The following PRKN variants were observed in gnomAD, a reference collection of about 807,000 sequenced individuals.
PRKN encodes the protein E3 ubiquitin-protein ligase parkin.
PRKN carries 56 observed loss-of-function variants against 59.5 expected under a neutral mutation model. The observed-to-expected ratio is 0.94, with a 90% CI of 0.76 to 1.18. The LOEUF is 1.18. Among genes scored for constraint, PRKN ranks in the 50% most tolerant of loss-of-function variants. The probability of loss-of-function intolerance (pLI) is 0.00; values close to 1 mark genes in which losing one functional copy is unlikely to be tolerated. For missense variants in PRKN, 657 were observed against 596.4 expected (o/e 1.10, Z -1.06); for synonymous variants, 250 against 222.1 (o/e 1.13, Z -1.12).
At chr6:161,675,156 A>G (rs1785042767) in intron 7 of PRKN, among the ~76,000 whole-genome samples, 1 of 152,226 alleles carries the variant, frequency 6.6e-6, no homozygotes, top group Admixed American at 6.5e-5. Flanking sequence ...AACTGAGCAC[A>G]ATGCATAAAT....
intron 9 of PRKN, among the ~76,000 whole-genome samples, chr6:161,509,410 A>C (rs1778295384): frequency 6.6e-6 from 1 of 152,110 alleles, no homozygotes; most frequent in Non-Finnish European, 1.5e-5. Flanking sequence ...TAAGAAACTC[A>C]AGGCTTTTAG....
chr6:161,721,609 A>G (rs900619661), intron 7 of PRKN, among the ~76,000 whole-genome samples: 1 of 152,230 alleles, frequency 6.6e-6, no homozygotes, highest in Non-Finnish European at 1.5e-5. Context: ...CACACCAGAA[A>G]ACATAAATGG....
At chr6:162,404,329 G>A (rs942580743) in intron 2 of PRKN, among the ~76,000 whole-genome samples, 2 of 148,520 alleles carry the variant, frequency 1.3e-5, no homozygotes, top group African/African-American at 5.0e-5. Context: ...GAGATCGCAC[G>A]ATTGCACTCC....
chr6:161,349,779 G>T lies in PRKN; in HGVS notation c.*320C>A, dbSNP rs71653628. The T allele has an allele frequency of 0.042, 20,042 of 479,878 alleles. 584 individuals are homozygous for T. Among genetic ancestry groups the T allele is most frequent in the Non-Finnish European group, 0.05 (12,879 of 259,064 alleles). 29.7% of individuals were successfully genotyped at this position (479,878 alleles called of 1,614,324 possible). ...ATACATGGATTGCACTTGAATCTGT[G>T]CTCTGGTATTTGTGTCATCCGGAGG... On this transcript the variant is annotated 3_prime_UTR_variant, in exon 12 of 12. Transcript: ENST00000366898. This position sits in a 1 kb window ranked among gnomAD's most constrained non-coding sequence, Gnocchi z 5.5.
At chr6:162,617,760 T>G (rs1185453222) in intron 1 of PRKN, among the ~76,000 whole-genome samples, 1 of 151,694 alleles carries the variant, frequency 6.6e-6, no homozygotes, top group African/African-American at 2.4e-5. Context: ...GAAAAATAAT[T>G]TTTTTTTGTT....
Position 162,463,560 on chromosome 6 carries a change from T to TTAA in PRKN, c.8-20090_8-20088dup, listed in dbSNP as rs536058675. On this transcript the variant is annotated intron_variant, in intron 1 of 11. Transcript: ENST00000366898. ...CCCTGAGCTCCGGGTTCCTCTCCTT[T>TTAA]TAACACATCCTGCTGTGTGTGCAGG... Among the ~76,000 whole-genome samples the TTAA allele has an allele frequency of 6.5e-3, 994 of 152,276 alleles. 10 individuals are homozygous for TTAA. The highest frequency in any genetic ancestry group is 0.018 in the South Asian group (87 of 4,820).
At chr6:162,715,330 C>G (rs1778682576) in intron 1 of PRKN, among the ~76,000 whole-genome samples, 1 of 152,168 alleles carries the variant, frequency 6.6e-6, no homozygotes, top group Non-Finnish European at 1.5e-5. Flanking sequence ...TAAGTATGAG[C>G]ACGCTTATTC....
chr6:162,691,940 G>A lies in PRKN; in HGVS notation c.7+35722C>T, dbSNP rs192408897. Among the ~76,000 whole-genome samples the A allele has an allele frequency of 5.7e-3, 867 of 152,036 alleles. 6 individuals carry two copies. Among genetic ancestry groups the A allele is most frequent in the Middle Eastern group, 0.02 (6 of 294 alleles). ...GATCTTGCTTTTATCAGGCTTTCAT[G>A]TAAATAGGTAGTAAAATTTTCAAAA... On this transcript the variant is annotated intron_variant, in intron 1 of 11. Coordinates refer to ENST00000366898, the MANE Select transcript of PRKN (RefSeq NM_004562.3).
chr6:162,489,591 C>T (rs992485135), intron 1 of PRKN, among the ~76,000 whole-genome samples: 4 of 152,196 alleles, frequency 2.6e-5, no homozygotes, highest in African/African-American at 9.7e-5. Flanking sequence ...ACAGCATGAG[C>T]TACTTGTGAA....
chr6:162,476,151 G>A (rs569602040), intron 1 of PRKN, among the ~76,000 whole-genome samples: 30 of 149,434 alleles, frequency 2.0e-4, no homozygotes, highest in African/African-American at 4.2e-4. Flanking sequence ...TCCGCCTCTC[G>A]GTTTCAAACG....
intron 6 of PRKN, among the ~76,000 whole-genome samples, chr6:161,921,389 G>A (rs1301930934): frequency 6.6e-6 from 1 of 152,124 alleles, no homozygotes; most frequent in Non-Finnish European, 1.5e-5. Context: ...ATAAGTAGGA[G>A]TATACTCTAA....
Position 161,592,381 on chromosome 6 carries a change from T to C in PRKN, c.872-22965A>G, listed in dbSNP as rs1261671593. On this transcript the variant is annotated intron_variant, in intron 7 of 11. Coordinates refer to ENST00000366898, the MANE Select transcript of PRKN (RefSeq NM_004562.3). This position sits in a 1 kb window ranked among gnomAD's most constrained non-coding sequence, Gnocchi z 4.8. Reference sequence around the variant, plus strand: ...ATCTGTTAATTTTGATTAGTTTTAATATTCTCTTTAATATACTCTTCTGTT... The same window carrying C: ...ATCTGTTAATTTTGATTAGTTTTAACATTCTCTTTAATATACTCTTCTGTT... 1.3e-5 allele frequency among the ~76,000 whole-genome samples: 2 copies of C among 152,200 alleles called. No homozygotes were observed. The highest frequency in any genetic ancestry group is 1.5e-5 in the Non-Finnish European group (1 of 68,032).
At chr6:162,568,300 G>T in intron 1 of PRKN, 1 of 276,050 alleles carries the variant, frequency 3.6e-6, no homozygotes, top group East Asian at 7.8e-5. Context: ...CTTCTGCACA[G>T]TGACCAAGAA....
chr6:161,755,102 T>A (rs986675608), intron 7 of PRKN, among the ~76,000 whole-genome samples: 1 of 152,228 alleles, frequency 6.6e-6, no homozygotes, highest in Non-Finnish European at 1.5e-5. Context: ...TTAAATTTTT[T>A]ATTCCTTTGT....
intron 2 of PRKN, among the ~76,000 whole-genome samples, chr6:162,319,737 T>C (rs1253344636): frequency 6.6e-6 from 1 of 151,964 alleles, no homozygotes; most frequent in East Asian, 1.9e-4. Context: ...CTAATATAAA[T>C]TAGAGGAAAT....
intron 6 of PRKN, among the ~76,000 whole-genome samples, chr6:161,952,336 G>A (rs1780020604): frequency 1.3e-5 from 2 of 152,084 alleles, no homozygotes; most frequent in African/African-American, 2.4e-5. Flanking sequence ...TACAATAGTC[G>A]GCCAGGCGCC....
chr6:162,594,659 A>G (rs1781432542), intron 1 of PRKN, among the ~76,000 whole-genome samples: 1 of 151,756 alleles, frequency 6.6e-6, no homozygotes, highest in Non-Finnish European at 1.5e-5. Flanking sequence ...TGAAATGAAT[A>G]TGTCATCCAA....
At chr6:162,363,131 CAAAAAA>C (rs34722234) in intron 2 of PRKN, among the ~76,000 whole-genome samples, 1 of 98,388 alleles carries the variant, frequency 1.0e-5, no homozygotes, top group Non-Finnish European at 2.1e-5. Flanking sequence ...CCTTCTCAAA[CAAAAAA>C]AAAAAAAAAA....
chr6:161,619,989 T>C (rs1782836170), intron 7 of PRKN, among the ~76,000 whole-genome samples: 1 of 128,764 alleles, frequency 7.8e-6, no homozygotes, highest in East Asian at 2.2e-4. Flanking sequence ...TTCTTTTTTT[T>C]TTTTTTTTTT....
Sources: allele counts gnomAD v4.1 joint callset (sites outside exome capture counted in the v4.1 genomes callset), GRCh38; gene constraint gnomAD v4.1.1; non-coding constraint Gnocchi (gnomAD v3.1); transcripts MANE v1.5; gene names NCBI Gene and HGNC (gene_info 2026-07-23, HGNC 2026-07-21).